Variants in SPAG16 observed in about 807,000 individuals in gnomAD.
SPAG16 encodes sperm-associated antigen 16 protein.
SPAG16 carries 86 observed loss-of-function variants against 80.4 expected under a neutral mutation model. That is an observed-to-expected ratio of 1.07 (90% CI 0.90 to 1.28). The LOEUF is 1.28. Among genes scored for constraint, SPAG16 ranks in the 50% most tolerant of loss-of-function variants. The pLI is 0.00. For synonymous variants in SPAG16, 294 were observed against 265.9 expected, an observed-to-expected ratio of 1.11 and a Z score of -1.03; for missense variants, 870 against 765.3, an observed-to-expected ratio of 1.14 and a Z score of -1.61.
At chr2:214,402,405 C>T (rs1167090558) in intron 15 of SPAG16, among the ~76,000 whole-genome samples, 1 of 151,768 alleles carries the variant, frequency 6.6e-6, no homozygotes, top group Admixed American at 6.6e-5. Context: ...TTTACTTTAC[C>T]AATCTATCAA....
intron 13 of SPAG16, among the ~76,000 whole-genome samples, chr2:214,050,722 C>A (rs891000173): frequency 3.3e-5 from 5 of 152,108 alleles, no homozygotes; most frequent in African/African-American, 1.2e-4. Context: ...ATACAGTCAG[C>A]CCTTTGTGTC....
chr2:213,317,822 GTTAAC>G, intron 5 of SPAG16: 1 of 719,318 alleles, frequency 1.4e-6, no homozygotes, highest in Non-Finnish European at 1.7e-6. Flanking sequence ...TTCGTCAGTT[GTTAAC>G]AAATGTATCC....
chr2:213,991,894 C>T (rs200186557), intron 12 of SPAG16, among the ~76,000 whole-genome samples: 1 of 45,268 alleles, frequency 2.2e-5, no homozygotes, highest in Non-Finnish European at 5.0e-5. Flanking sequence ...TTTATTTATT[C>T]TTGTTTCAGT....
intron 12 of SPAG16, among the ~76,000 whole-genome samples, chr2:213,952,437 AAG>A (rs2079838856): frequency 6.6e-6 from 1 of 152,038 alleles, no homozygotes; most frequent in South Asian, 2.1e-4. Flanking sequence ...ATATAAATAA[AAG>A]AATAAAATTA....
At chr2:214,380,409 G>T (rs1700380408) in intron 15 of SPAG16, among the ~76,000 whole-genome samples, 2 of 152,180 alleles carry the variant, frequency 1.3e-5, no homozygotes, top group Non-Finnish European at 2.9e-5. Flanking sequence ...TACATTTTAT[G>T]TAGTCCTGTG....
intron 15 of SPAG16, among the ~76,000 whole-genome samples, chr2:214,405,165 C>T (rs1358995846): frequency 6.6e-6 from 1 of 152,074 alleles, no homozygotes; most frequent in Non-Finnish European, 1.5e-5. Flanking sequence ...TGCGCTACCA[C>T]CCAGAATGGA....
At chr2:213,492,947 TTCTC>T (rs372933104) in intron 10 of SPAG16, among the ~76,000 whole-genome samples, 2 of 151,814 alleles carry the variant, frequency 1.3e-5, no homozygotes, top group East Asian at 1.9e-4. Context: ...GTTATTATTT[TTCTC>T]TCTCTCTCTC....
At chr2:214,176,777 G>A (rs1380690507) in intron 15 of SPAG16, among the ~76,000 whole-genome samples, 1 of 150,672 alleles carries the variant, frequency 6.6e-6, no homozygotes, top group South Asian at 2.1e-4. Context: ...TTCCACTAGT[G>A]CCCTTAAGAG....
intron 10 of SPAG16, among the ~76,000 whole-genome samples, chr2:213,717,155 C>CTTTTTTTTTTTTTTTTTTTTTT (rs1339762204): frequency 7.2e-6 from 1 of 139,168 alleles, no homozygotes; most frequent in Non-Finnish European, 1.6e-5. Flanking sequence ...AGAAACTTTT[C>CTTTTTTTTTTTTTTTTTTTTTT]ATTTTTTTTT....
At chr2:214,068,220 T>C (rs1344074528) in intron 13 of SPAG16, among the ~76,000 whole-genome samples, 1 of 152,174 alleles carries the variant, frequency 6.6e-6, no homozygotes, top group Admixed American at 6.5e-5. Flanking sequence ...TGATAAATAA[T>C]ATGTGACTGT....
chr2:213,702,389 G>T (rs1240612044), intron 10 of SPAG16, among the ~76,000 whole-genome samples: 1 of 152,126 alleles, frequency 6.6e-6, no homozygotes, highest in East Asian at 1.9e-4. Context: ...CTGCTGTTTG[G>T]GTCCATGCAG....
intron 9 of SPAG16, among the ~76,000 whole-genome samples, chr2:213,382,060 A>T (rs865997668): frequency 2.0e-5 from 3 of 150,986 alleles, no homozygotes; most frequent in Non-Finnish European, 3.0e-5. Flanking sequence ...TTTTTTTTTT[A>T]ATCCATTCTC....
At chr2:214,234,774 A>C (rs1688962987) in intron 15 of SPAG16, among the ~76,000 whole-genome samples, 1 of 152,022 alleles carries the variant, frequency 6.6e-6, no homozygotes, top group Non-Finnish European at 1.5e-5. Context: ...TTGTTGAGCA[A>C]AACACTGTGG....
At chr2:213,785,581 C>T (rs1265766237) in intron 10 of SPAG16, among the ~76,000 whole-genome samples, 1 of 152,134 alleles carries the variant, frequency 6.6e-6, no homozygotes, top group African/African-American at 2.4e-5. Flanking sequence ...AGGTTCTAAA[C>T]TAGTGATTTA....
intron 11 of SPAG16, among the ~76,000 whole-genome samples, chr2:213,883,423 A>T (rs148117724): frequency 6.6e-6 from 1 of 152,124 alleles, no homozygotes; most frequent in South Asian, 2.1e-4. Context: ...TTGCTTCATG[A>T]CCAATTATGT....
At chr2:213,841,447 C>G (rs933656508) in intron 10 of SPAG16, among the ~76,000 whole-genome samples, 6 of 152,044 alleles carry the variant, frequency 3.9e-5, no homozygotes, top group Non-Finnish European at 1.5e-5. Flanking sequence ...GAAAAATTCT[C>G]TAACTTAGTA....
intron 10 of SPAG16, among the ~76,000 whole-genome samples, chr2:213,785,774 T>C (rs1447821218): frequency 6.6e-6 from 1 of 152,124 alleles, no homozygotes; most frequent in Non-Finnish European, 1.5e-5. Flanking sequence ...CCCAGCACTT[T>C]GGGAGGCCGA....
intron 9 of SPAG16, among the ~76,000 whole-genome samples, chr2:213,457,330 T>G (rs2072080885): frequency 6.6e-6 from 1 of 152,240 alleles, no homozygotes; most frequent in African/African-American, 2.4e-5. Flanking sequence ...GATTGTTTAC[T>G]GGAATTTGGC....
At chr2:214,266,886 A>C (rs1691614203) in intron 15 of SPAG16, among the ~76,000 whole-genome samples, 1 of 151,760 alleles carries the variant, frequency 6.6e-6, no homozygotes, top group Non-Finnish European at 1.5e-5. Context: ...TAACCAAGGA[A>C]GTGAAATATC....
Sources: allele counts gnomAD v4.1 joint callset (sites outside exome capture counted in the v4.1 genomes callset), GRCh38; gene constraint gnomAD v4.1.1; transcripts MANE v1.5; gene names NCBI Gene and HGNC (gene_info 2026-07-23, HGNC 2026-07-21).